The following NMRAL1 variants were observed in gnomAD, a reference collection of about 807,000 sequenced individuals.
The protein encoded by NMRAL1 is NmrA like redox sensor 1, also known as nmrA-like family domain-containing protein 1.
A neutral mutation model predicts 27.5 loss-of-function variants in NMRAL1; 32 were observed. The ratio of observed to expected loss-of-function variants is 1.16; its 90% confidence interval spans 0.88 to 1.56. The LOEUF (loss-of-function observed/expected upper bound fraction) is 1.56. NMRAL1 is among the 40% of genes most tolerant of loss of function. The pLI is 0.00. For missense variants in NMRAL1, 420 were observed against 392.0 expected, an observed-to-expected ratio of 1.07 and a Z score of -0.60; for synonymous variants, 166 against 166.8, an observed-to-expected ratio of 1.00 and a Z score of 0.04.
intron 2 of NMRAL1, among the ~76,000 whole-genome samples, chr16:4,471,619 CAAAAAAA>C (rs997725293): frequency 1.7e-3 from 97 of 58,536 alleles, no homozygotes; most frequent in Non-Finnish European, 3.1e-3. Flanking sequence ...GCCCTGTCTC[CAAAAAAA>C]AAAAAAAAAA....
intron 4 of NMRAL1, among the ~76,000 whole-genome samples, 181 bp downstream of exon 4, chr16:4,465,972 C>G (rs1256896194): frequency 1.3e-5 from 2 of 152,158 alleles, no homozygotes; most frequent in African/African-American, 4.8e-5. Flanking sequence ...GGTATAGAGC[C>G]CATCTCACAG....
intron 1 of NMRAL1, 35 bp from the exon 2 acceptor site, chr16:4,474,201 G>T: frequency 6.5e-7 from 1 of 1,528,266 alleles, no homozygotes; most frequent in Non-Finnish European, 9.0e-7. Flanking sequence ...TTGGGGGTGG[G>T]GCCGGGGTTC....
In NMRAL1 at chr16:4,474,106, AACC is replaced by A. The variant is rs2057719901; in HGVS notation, c.24_26del (p.Val9del). On this transcript the variant is annotated inframe_deletion, in exon 2 of 6. Coordinates refer to ENST00000283429, the MANE Select transcript of NMRAL1 (RefSeq NM_020677.6). ...GGTTTGGCTCACCTGTGCCTCCGAA[AACC>A]ACCACCAGTTTCTTGTCCACCATGA... The A allele has an allele frequency of 6.2e-7, 1 of 1,612,426 alleles. No individual in the cohort carries two copies. The highest frequency in any genetic ancestry group is 1.7e-4 in the Middle Eastern group (1 of 6,058).
chr16:4,464,800 G>C (rs1454675132), intron 4 of NMRAL1, among the ~76,000 whole-genome samples: 2 of 151,712 alleles, frequency 1.3e-5, no homozygotes. Flanking sequence ...ATTTTTAGTA[G>C]AGACAGGGGT....
intron 2 of NMRAL1, among the ~76,000 whole-genome samples, chr16:4,472,903 A>T (rs192085751): frequency 0.012 from 1,759 of 151,634 alleles, 16 homozygotes; most frequent in Non-Finnish European, 0.018. Flanking sequence ...CCAAAAGTAG[A>T]TTGGAGCTTT....
intron 2 of NMRAL1, among the ~76,000 whole-genome samples, chr16:4,473,708 C>G (rs1016003602): frequency 2.0e-5 from 3 of 151,950 alleles, no homozygotes; most frequent in African/African-American, 7.3e-5. Context: ...GGGTCATCAC[C>G]TGAGGTCAGG....
upstream of NMRAL1, among the ~76,000 whole-genome samples, chr16:4,475,770 C>G (rs1180910648): frequency 6.6e-6 from 1 of 151,854 alleles, no homozygotes; most frequent in African/African-American, 2.4e-5. Context: ...AAACCCCCGT[C>G]TCTACTAAAA....
chr16:4,462,014 C>CG, intron 5 of NMRAL1, 55 bp from the exon 6 acceptor site: 1 of 1,506,770 alleles, frequency 6.6e-7, no homozygotes, highest in Non-Finnish European at 9.1e-7. Context: ...CGGGAGGTGG[C>CG]GGGGCAGGGA....
chr16:4,470,009 A>C (rs546952855), intron 2 of NMRAL1, among the ~76,000 whole-genome samples: 21 of 151,218 alleles, frequency 1.4e-4, no homozygotes, highest in African/African-American at 4.9e-4. Flanking sequence ...CTAAAAATAC[A>C]AACTTAGCCG....
intron 5 of NMRAL1, 120 bp from the exon 6 acceptor site, chr16:4,462,079 G>C (rs1332622540): frequency 7.6e-6 from 6 of 794,614 alleles, no homozygotes; most frequent in Non-Finnish European, 1.2e-5. Context: ...CTATTGTCTC[G>C]GTCCCTGACC....
At chr16:4,469,544 T>C in intron 2 of NMRAL1, 79 bp from the exon 3 acceptor site, 1 of 1,588,080 alleles carries the variant, frequency 6.3e-7, no homozygotes. Flanking sequence ...AAGGGAGTGC[T>C]CCACCACAGC....
chr16:4,467,752 T>C (rs2057383215), intron 3 of NMRAL1, among the ~76,000 whole-genome samples: 1 of 151,818 alleles, frequency 6.6e-6, no homozygotes, highest in Non-Finnish European at 1.5e-5. Flanking sequence ...CCTGAGTAGC[T>C]GGGATTACAG....
At chr16:4,461,997 A>G (rs367738608) in intron 5 of NMRAL1, 38 bp from the exon 6 acceptor site, 1 of 1,573,668 alleles carries the variant, frequency 6.4e-7, no homozygotes. Context: ...GGCGTCCTCC[A>G]GTGCCCCGGG....
rs980652277 is a variant in NMRAL1, at chr16:4,465,642, C to A, written c.529+511G>T. 2.8e-4 allele frequency among the ~76,000 whole-genome samples: 42 copies of A among 152,176 alleles called. 1 individual carries two copies. The highest frequency in any genetic ancestry group is 5.9e-5 in the Non-Finnish European group (4 of 68,030). On this transcript the variant is annotated intron_variant, in intron 4 of 5. Coordinates refer to ENST00000283429, the MANE Select transcript of NMRAL1 (RefSeq NM_020677.6). ...AGTGCAGTGGCACAATCTCAGCTCA[C>A]TGCAACCTCCACCTCCTGGGTTCAA...
At chr16:4,463,408 A>G (rs1440288547) in intron 5 of NMRAL1, 3 of 524,580 alleles carry the variant, frequency 5.7e-6, no homozygotes, top group Non-Finnish European at 6.6e-6. Flanking sequence ...CTGCATTTTC[A>G]CCCCTCCTTG....
At chr16:4,469,620 A>C (rs756994756) in intron 2 of NMRAL1, 155 bp from the exon 3 acceptor site, 1 of 1,443,984 alleles carries the variant, frequency 6.9e-7, no homozygotes, top group Non-Finnish European at 9.1e-7. Context: ...TCTTTATTTT[A>C]TTTTTTTGAG....
chr16:4,462,750 T>C (rs1041130678), intron 5 of NMRAL1, among the ~76,000 whole-genome samples: 2 of 152,094 alleles, frequency 1.3e-5, no homozygotes, highest in African/African-American at 4.8e-5. Context: ...GGTCTCGATT[T>C]CCTGACCTTG....
chr16:4,475,651 A>G (rs145392634), upstream of NMRAL1, among the ~76,000 whole-genome samples: 1 of 151,956 alleles, frequency 6.6e-6, no homozygotes, highest in Admixed American at 6.6e-5. Context: ...TAAAACTAAA[A>G]AATGACTCTG....
intron 3 of NMRAL1, among the ~76,000 whole-genome samples, chr16:4,468,015 C>A (rs1172909144): frequency 1.3e-5 from 2 of 151,332 alleles, no homozygotes; most frequent in Non-Finnish European, 2.9e-5. Context: ...ATAAGATCTG[C>A]TGGGCTGGGC....
Sources: gnomAD v4.1 joint callset for allele counts (sites outside exome capture counted in the v4.1 genomes callset) on GRCh38, gnomAD v4.1.1 for gene constraint, MANE v1.5 for transcripts, NCBI Gene and HGNC (gene_info 2026-07-23, HGNC 2026-07-21) for gene names.